Variants in THSD7B observed in about 807,000 individuals in gnomAD.
THSD7B encodes the protein thrombospondin type-1 domain-containing protein 7B.
A neutral mutation model predicts 213.6 loss-of-function variants in THSD7B; 138 were observed. The observed-to-expected ratio is 0.65, with a 90% CI of 0.56 to 0.74. The LOEUF (loss-of-function observed/expected upper bound fraction) is 0.74, where lower values mean the gene tolerates loss of function less well. Among genes scored for constraint, THSD7B ranks in the 30% least tolerant of loss-of-function variants. The pLI, the probability that THSD7B is intolerant of heterozygous loss-of-function variation, is 0.00. For synonymous variants in THSD7B, 742 were observed against 687.0 expected (o/e 1.08, Z -1.25); for missense variants, 1,931 against 1,991.5 (o/e 0.97, Z 0.58).
At chr2:137,536,933 C>T (rs1467702211) in intron 15 of THSD7B, among the ~76,000 whole-genome samples, 2 of 151,668 alleles carry the variant, frequency 1.3e-5, no homozygotes, top group African/African-American at 2.4e-5. Context: ...TTGTTATTTA[C>T]CCAGCACATA....
At chr2:137,086,865 A>C (rs1298786743) in intron 3 of THSD7B, among the ~76,000 whole-genome samples, 4 of 152,252 alleles carry the variant, frequency 2.6e-5, no homozygotes, top group Non-Finnish European at 5.9e-5. Context: ...CTGCTTATAT[A>C]AATATTTATG....
chr2:137,212,175 C>T (rs749404770), intron 7 of THSD7B, among the ~76,000 whole-genome samples: 1 of 152,038 alleles, frequency 6.6e-6, no homozygotes, highest in Non-Finnish European at 1.5e-5. Flanking sequence ...TTTGAATTCA[C>T]TACCTTTGGC....
chr2:136,833,433 ATT>A (rs56778387), intron 1 of THSD7B, among the ~76,000 whole-genome samples: 4,666 of 112,048 alleles, frequency 0.042, 150 homozygotes, highest in East Asian at 0.18. Flanking sequence ...ATTATTTTCT[ATT>A]TTTTTTTTTT....
intron 17 of THSD7B, among the ~76,000 whole-genome samples, chr2:137,580,949 C>T (rs1241886755): frequency 1.3e-5 from 2 of 152,178 alleles, no homozygotes; most frequent in Admixed American, 6.5e-5. Context: ...ATATCTCCCA[C>T]TAGGCCCCAC....
chr2:136,897,460 G>T (rs1683980190), intron 2 of THSD7B, among the ~76,000 whole-genome samples: 3 of 152,112 alleles, frequency 2.0e-5, no homozygotes, highest in South Asian at 4.1e-4. Flanking sequence ...CCTTCCAGTG[G>T]GTTCATGGTC....
intron 5 of THSD7B, among the ~76,000 whole-genome samples, chr2:137,120,873 T>A (rs1688534105): frequency 6.6e-6 from 1 of 152,196 alleles, no homozygotes; most frequent in Admixed American, 6.5e-5. Context: ...CATCTTTAAA[T>A]CCCCACTCTT....
At chr2:137,484,716 A>G (rs1456792796) in intron 15 of THSD7B, among the ~76,000 whole-genome samples, 1 of 46,022 alleles carries the variant, frequency 2.2e-5, no homozygotes, top group Non-Finnish European at 4.1e-5. Context: ...TGCCCTTCTA[A>G]CTGGTGTGAG....
At chr2:137,188,455 AATGAAT>A (rs761296158) in intron 7 of THSD7B, among the ~76,000 whole-genome samples, 7,023 of 152,238 alleles carry the variant, frequency 0.046, 200 homozygotes, top group Admixed American at 0.069. Context: ...AGGGCCTCCT[AATGAAT>A]AACCTGGAAA....
At chr2:137,299,773 G>A (rs1054680157) in intron 12 of THSD7B, among the ~76,000 whole-genome samples, 2 of 152,046 alleles carry the variant, frequency 1.3e-5, no homozygotes, top group Non-Finnish European at 2.9e-5. Context: ...ACTATGAATA[G>A]TTGCTATTGT....
At chr2:136,858,747 C>G (rs1050381366) in intron 1 of THSD7B, among the ~76,000 whole-genome samples, 25 of 152,280 alleles carry the variant, frequency 1.6e-4, no homozygotes, top group African/African-American at 5.3e-4. Context: ...CTTTTCCCTC[C>G]CATTATCTGA....
chr2:137,552,841 T>C (rs912617564), intron 15 of THSD7B, among the ~76,000 whole-genome samples: 2 of 152,056 alleles, frequency 1.3e-5, no homozygotes, highest in African/African-American at 2.4e-5. Flanking sequence ...ATGTGGTAAA[T>C]TGGAGGAGAG....
intron 15 of THSD7B, among the ~76,000 whole-genome samples, chr2:137,510,209 T>A (rs1012923149): frequency 2.6e-5 from 4 of 152,166 alleles, no homozygotes; most frequent in African/African-American, 9.6e-5. Flanking sequence ...ATTCTTTCTA[T>A]CTTCGATGAA....
chr2:137,512,517 G>T (rs750874126), intron 15 of THSD7B, among the ~76,000 whole-genome samples: 9 of 145,294 alleles, frequency 6.2e-5, no homozygotes, highest in Admixed American at 2.1e-4. Flanking sequence ...TCAGCCTCCC[G>T]AGCAACTGTG....
intron 12 of THSD7B, among the ~76,000 whole-genome samples, chr2:137,362,484 G>A (rs570726619): frequency 2.0e-5 from 3 of 152,178 alleles, no homozygotes; most frequent in South Asian, 2.1e-4. Flanking sequence ...GTATTCAGGA[G>A]ACCCATCTCA....
At chr2:136,972,881 T>C (rs866499167) in intron 2 of THSD7B, among the ~76,000 whole-genome samples, 3 of 152,312 alleles carry the variant, frequency 2.0e-5, no homozygotes, top group South Asian at 4.1e-4. Context: ...TGGGTAGTTT[T>C]ATCTAGAAAT....
chr2:136,773,516 A>G (rs935666862), intron 1 of THSD7B, among the ~76,000 whole-genome samples: 24 of 152,262 alleles, frequency 1.6e-4, no homozygotes, highest in African/African-American at 5.8e-4. Flanking sequence ...AATGTATACA[A>G]AATATTGCCA....
At chr2:137,351,074 T>C (rs942660154) in intron 12 of THSD7B, among the ~76,000 whole-genome samples, 1 of 151,868 alleles carries the variant, frequency 6.6e-6, no homozygotes, top group Non-Finnish European at 1.5e-5. Flanking sequence ...ATCATTCACA[T>C]CACCATTGAT....
rs36201207 is a variant in THSD7B, at chr2:137,141,494, TCACACACA to T, written c.1370-18698_1370-18691del. Among the ~76,000 whole-genome samples the T allele has an allele frequency of 2.1e-3, 313 of 150,134 alleles. 1 individual carries two copies. Among genetic ancestry groups the T allele is most frequent in the African/African-American group, 6.0e-3 (244 of 40,950 alleles). ...AACACACATGTGTGCACACACACAC[TCACACACA>T]CACACACACACACACACACAGGAAT... On this transcript the variant is annotated intron_variant, in intron 5 of 27. Coordinates refer to ENST00000409968, the MANE Select transcript of THSD7B (RefSeq NM_001316349.2).
chr2:136,855,865 T>G (rs1683173674), intron 1 of THSD7B, among the ~76,000 whole-genome samples: 2 of 152,036 alleles, frequency 1.3e-5, no homozygotes, highest in South Asian at 4.2e-4. Context: ...AAGTGCACCC[T>G]CTCCTGTGGC....
Sources: gnomAD v4.1 joint callset for allele counts (sites outside exome capture counted in the v4.1 genomes callset) on GRCh38, gnomAD v4.1.1 for gene constraint, MANE v1.5 for transcripts, NCBI Gene and HGNC (gene_info 2026-07-23, HGNC 2026-07-21) for gene names.